MGMT: variants seen among roughly 807,000 people sequenced by gnomAD.
MGMT encodes O-6-methylguanine-DNA methyltransferase.
In MGMT, 14 loss-of-function variants were observed where a neutral mutation model predicts 15.9. The ratio of observed to expected loss-of-function variants is 0.88; its 90% confidence interval spans 0.58 to 1.37. The LOEUF (loss-of-function observed/expected upper bound fraction) is 1.37, where lower values mean the gene tolerates loss of function less well. Ranked by LOEUF, MGMT falls within the 40% of genes most tolerant of loss-of-function variation. MGMT has a pLI of 0.00. For synonymous variants in MGMT, 130 were observed against 118.2 expected, an observed-to-expected ratio of 1.10 and a Z score of -0.65; for missense variants, 282 against 268.1, an observed-to-expected ratio of 1.05 and a Z score of -0.36.
chr10:129,740,430 A>G (rs916418558), intron 3 of MGMT, among the ~76,000 whole-genome samples: 1 of 152,178 alleles, frequency 6.6e-6, no homozygotes, highest in Admixed American at 6.5e-5. Flanking sequence ...CTTACCAACT[A>G]CCATGTAGTT....
At chr10:129,538,210 A>AGTGTACAACC (rs1199972319) in intron 2 of MGMT, among the ~76,000 whole-genome samples, 1 of 152,248 alleles carries the variant, frequency 6.6e-6, no homozygotes, top group African/African-American at 2.4e-5. Flanking sequence ...ATTTGACAAA[A>AGTGTACAACC]GTGTACAACC....
chr10:129,690,520 C>T (rs931621725), intron 2 of MGMT, among the ~76,000 whole-genome samples: 2 of 152,142 alleles, frequency 1.3e-5, no homozygotes, highest in African/African-American at 4.8e-5. Flanking sequence ...CAGGACCATA[C>T]CCAGAGCATT....
In MGMT at chr10:129,705,005, C is replaced by G. The variant is rs1365830722; in HGVS notation, c.126-2890C>G. Among the ~76,000 whole-genome samples the G allele has an allele frequency of 2.6e-5, 4 of 152,290 alleles. No individual in the cohort carries two copies. The East Asian group carries it at 7.8e-4, about 30-fold the overall frequency. The stretch of plus-strand genomic sequence containing the variant: ...TGGGTCTCTTTCCCCCACATCTCCC[C>G]CAACAATGGAAGGCAAGCACCGCTC... On this transcript the variant is annotated intron_variant, in intron 2 of 4. Transcript: ENST00000651593.
intron 3 of MGMT, among the ~76,000 whole-genome samples, chr10:129,741,475 C>T (rs932466831): frequency 6.6e-6 from 1 of 152,132 alleles, no homozygotes; most frequent in African/African-American, 2.4e-5. Flanking sequence ...GGGAGGTTCG[C>T]CAGGACTGCA....
At chr10:129,662,193 G>T (rs2133106302) in intron 2 of MGMT, among the ~76,000 whole-genome samples, 1 of 152,258 alleles carries the variant, frequency 6.6e-6, no homozygotes, top group East Asian at 1.9e-4. Flanking sequence ...AAGAAAAAGG[G>T]GGTTAGGGGA....
intron 2 of MGMT, among the ~76,000 whole-genome samples, chr10:129,652,642 G>A (rs993957130): frequency 1.3e-5 from 2 of 152,226 alleles, no homozygotes; most frequent in Admixed American, 6.5e-5. Flanking sequence ...GGCTGCTGCT[G>A]TTGGTGTGCC....
At chr10:129,696,853 T>A (rs1221464261) in intron 2 of MGMT, among the ~76,000 whole-genome samples, 1 of 152,214 alleles carries the variant, frequency 6.6e-6, no homozygotes, top group Admixed American at 6.5e-5. Context: ...ACCTCACCTG[T>A]GCATTCGTCA....
intron 2 of MGMT, among the ~76,000 whole-genome samples, chr10:129,682,403 T>C (rs941069121): frequency 3.3e-5 from 5 of 151,794 alleles, no homozygotes; most frequent in African/African-American, 1.2e-4. Flanking sequence ...TCCTAAAAGA[T>C]AGGATTTTTT....
Position 129,639,954 on chromosome 10 carries a change from A to C in MGMT, c.126-67941A>C, listed in dbSNP as rs568807613. Among the ~76,000 whole-genome samples the C allele has an allele frequency of 2.0e-5, 3 of 152,166 alleles. No homozygotes were observed. In the South Asian group the frequency reaches 6.2e-4, roughly 32 times the overall value. On this transcript the variant is annotated intron_variant, in intron 2 of 4. Coordinates refer to ENST00000651593, the MANE Select transcript of MGMT (RefSeq NM_002412.5). The stretch of plus-strand genomic sequence containing the variant: ...ATCGGTGGCTAGACTGACCAAAAAA[A>C]AAAAAAAAGAGAGTGAAGTCATATA...
intron 3 of MGMT, among the ~76,000 whole-genome samples, chr10:129,737,374 G>A (rs1220183442): frequency 2.6e-5 from 4 of 151,872 alleles, no homozygotes; most frequent in Admixed American, 6.6e-5. Context: ...CATTCTTCAC[G>A]TAGTTCTCGA....
At position 129,533,074 on chromosome 10, in the gene MGMT, C is replaced by T. The variant is rs1236110414; in HGVS notation, c.-12-3167C>T. On this transcript the variant is annotated intron_variant, in intron 1 of 4. Transcript: ENST00000651593. The surrounding 1 kb of genome is among the most constrained non-coding windows in gnomAD (Gnocchi z 4.5). ...CAGAGCAGCCGAGAATCAACGGTGGCCATAGCCACCACATCCTGTTTCCAG... is the reference window on the plus strand; with the variant it reads ...CAGAGCAGCCGAGAATCAACGGTGGTCATAGCCACCACATCCTGTTTCCAG... 6.6e-6 allele frequency among the ~76,000 whole-genome samples: 1 copy of T among 152,230 alleles called. No individual in the cohort carries two copies. The highest frequency in any genetic ancestry group is 1.5e-5 in the Non-Finnish European group (1 of 68,036).
intron 1 of MGMT, among the ~76,000 whole-genome samples, chr10:129,519,017 C>G (rs893533129): frequency 7.2e-5 from 11 of 152,172 alleles, no homozygotes; most frequent in African/African-American, 2.7e-4. Context: ...TCCCAGAGCC[C>G]TGACTACTGA....
intron 2 of MGMT, among the ~76,000 whole-genome samples, chr10:129,642,219 G>A (rs1445440114): frequency 2.6e-5 from 4 of 152,132 alleles, no homozygotes; most frequent in African/African-American, 4.8e-5. Context: ...CTGGGCGGGC[G>A]GGCGGGCGTA....
chr10:129,530,184 T>C (rs1449570681), intron 1 of MGMT, among the ~76,000 whole-genome samples: 1 of 150,812 alleles, frequency 6.6e-6, no homozygotes, highest in Non-Finnish European at 1.5e-5. Context: ...ATTACGGGTG[T>C]GAGCCACCAT....
At chr10:129,596,309 A>G (rs558878406) in intron 2 of MGMT, among the ~76,000 whole-genome samples, 1 of 152,252 alleles carries the variant, frequency 6.6e-6, no homozygotes, top group East Asian at 1.9e-4. Flanking sequence ...TTTTCCATTT[A>G]TTATAGTTGT....
chr10:129,737,106 G>T (rs575065523), intron 3 of MGMT, among the ~76,000 whole-genome samples: 1 of 152,024 alleles, frequency 6.6e-6, no homozygotes, highest in Non-Finnish European at 1.5e-5. Flanking sequence ...ATGTTGGCCT[G>T]CCTTGCTAGA....
chr10:129,569,144 AC>A (rs1265549851), intron 2 of MGMT, among the ~76,000 whole-genome samples: 1 of 152,050 alleles, frequency 6.6e-6, no homozygotes, highest in East Asian at 1.9e-4. Flanking sequence ...CAGCTGTTGA[AC>A]TCGTGAGCTG....
chr10:129,600,968 A>G (rs1432261972), intron 2 of MGMT, among the ~76,000 whole-genome samples: 1 of 152,136 alleles, frequency 6.6e-6, no homozygotes, highest in Admixed American at 6.5e-5. Context: ...ATTAATATTA[A>G]TATCAATATC....
chr10:129,764,220 G>A (rs1198540298), intron 4 of MGMT, among the ~76,000 whole-genome samples: 3 of 152,268 alleles, frequency 2.0e-5, no homozygotes, highest in African/African-American at 7.2e-5. Flanking sequence ...GGCTGAGACA[G>A]GCCTGGTGGG....
Sources: gnomAD v4.1 joint callset for allele counts (sites outside exome capture counted in the v4.1 genomes callset) on GRCh38, gnomAD v4.1.1 for gene constraint, Gnocchi (gnomAD v3.1) non-coding constraint, MANE v1.5 for transcripts, NCBI Gene and HGNC (gene_info 2026-07-23, HGNC 2026-07-21) for gene names.